ARHGAP26: variants seen among roughly 807,000 people sequenced by gnomAD.
The protein encoded by ARHGAP26 is Rho GTPase activating protein 26, also known as rho GTPase-activating protein 26.
In ARHGAP26, 38 loss-of-function variants were observed where a neutral mutation model predicts 104.8. That is an observed-to-expected ratio of 0.36 (90% CI 0.28 to 0.48). The LOEUF (loss-of-function observed/expected upper bound fraction) is 0.48, where lower values mean the gene tolerates loss of function less well. ARHGAP26 is among the 20% of genes least tolerant of loss of function. ARHGAP26 has a pLI of 0.99. For missense variants in ARHGAP26, 704 were observed against 947.9 expected, an observed-to-expected ratio of 0.74 and a Z score of 3.38; for synonymous variants, 341 against 340.0, an observed-to-expected ratio of 1.00 and a Z score of -0.03.
chr5:143,067,047 C>T (rs996158491), intron 17 of ARHGAP26, among the ~76,000 whole-genome samples: 53 of 151,970 alleles, frequency 3.5e-4, no homozygotes, highest in African/African-American at 8.9e-4. Flanking sequence ...CTCCCCCTCC[C>T]GCTTCTGCTT....
At chr5:143,007,840 G>T (rs915560416) in intron 11 of ARHGAP26, among the ~76,000 whole-genome samples, 1 of 152,136 alleles carries the variant, frequency 6.6e-6, no homozygotes, top group Admixed American at 6.5e-5. Context: ...TTTTAAAAAA[G>T]ATTAAGAACC....
At chr5:142,994,844 G>T (rs1454077131) in intron 11 of ARHGAP26, among the ~76,000 whole-genome samples, 1 of 152,204 alleles carries the variant, frequency 6.6e-6, no homozygotes, top group Admixed American at 6.5e-5. Context: ...TATAGATGGG[G>T]TAATGAGGCA....
intron 17 of ARHGAP26, among the ~76,000 whole-genome samples, chr5:143,114,543 G>A (rs1431972401): frequency 6.6e-6 from 1 of 152,202 alleles, no homozygotes; most frequent in Non-Finnish European, 1.5e-5. Context: ...TGTTCCAGCA[G>A]CTTCATTTCC....
At chr5:143,100,413 C>T (rs1349289980) in intron 17 of ARHGAP26, among the ~76,000 whole-genome samples, 1 of 152,226 alleles carries the variant, frequency 6.6e-6, no homozygotes, top group Non-Finnish European at 1.5e-5. Context: ...CTAGCCTTAT[C>T]CTTGGCACCA....
chr5:142,786,439 G>A (rs1455748473), intron 1 of ARHGAP26, among the ~76,000 whole-genome samples: 1 of 151,972 alleles, frequency 6.6e-6, no homozygotes, highest in Non-Finnish European at 1.5e-5. Context: ...TGGGACTAGA[G>A]GAGCATGCTA....
At chr5:143,119,808 C>T (rs183486546) in intron 17 of ARHGAP26, among the ~76,000 whole-genome samples, 3 of 151,806 alleles carry the variant, frequency 2.0e-5, no homozygotes, top group East Asian at 1.9e-4. Flanking sequence ...TACACATCTG[C>T]TAATAAAATT....
intron 11 of ARHGAP26, among the ~76,000 whole-genome samples, chr5:142,969,130 G>C (rs1182842968): frequency 6.6e-6 from 1 of 152,204 alleles, no homozygotes; most frequent in Non-Finnish European, 1.5e-5. Context: ...TTATAGAGAA[G>C]GGGGCTTGCC....
chr5:142,866,415 G>A (rs1048196055), intron 1 of ARHGAP26, among the ~76,000 whole-genome samples: 2 of 152,132 alleles, frequency 1.3e-5, no homozygotes, highest in Non-Finnish European at 2.9e-5. Context: ...GCAAAATGGA[G>A]GTAATAATAT....
intron 18 of ARHGAP26, 46 bp from the exon 19 acceptor site, chr5:143,133,921 C>T (rs563666103): frequency 4.1e-5 from 63 of 1,548,638 alleles, no homozygotes; most frequent in African/African-American, 1.4e-5. Context: ...TGTTTTCTTC[C>T]CAGTCCACAG....
At chr5:142,962,498 T>A (rs994713026) in intron 11 of ARHGAP26, among the ~76,000 whole-genome samples, 1 of 152,214 alleles carries the variant, frequency 6.6e-6, no homozygotes, top group African/African-American at 2.4e-5. Context: ...TGATAACGGA[T>A]ACAGGGCATC....
At position 142,885,285 on chromosome 5, in the gene ARHGAP26, C is replaced by A; in HGVS notation, c.385-13C>A. ...GTTACTCTTTTTCTTTTTCTCTTCT[C>A]TTTTTTTGCCAGGAAGCCAAAAAGA... is the stretch of plus-strand genomic sequence containing the variant. On this transcript the variant is annotated splice_polypyrimidine_tract_variant and intron_variant, in intron 4 of 22. Transcript: ENST00000645722. The A allele has an allele frequency of 6.2e-7, 1 of 1,609,826 alleles. No homozygotes were observed. Among genetic ancestry groups the A allele is most frequent in the South Asian group, 1.1e-5 (1 of 90,820 alleles).
chr5:143,148,274 G>A (rs1455372048), intron 20 of ARHGAP26, among the ~76,000 whole-genome samples: 6 of 152,192 alleles, frequency 3.9e-5, no homozygotes, highest in Non-Finnish European at 1.5e-5. Flanking sequence ...ATGGCGGTGA[G>A]ATGCTAGGAT....
chr5:142,773,549 A>G (rs1307598454), intron 1 of ARHGAP26, among the ~76,000 whole-genome samples: 1 of 152,214 alleles, frequency 6.6e-6, no homozygotes, highest in Non-Finnish European at 1.5e-5. Context: ...GATCCCGTAA[A>G]GGAGAAACAT....
chr5:143,184,558 A>G (rs143126751), intron 20 of ARHGAP26, among the ~76,000 whole-genome samples: 4 of 152,288 alleles, frequency 2.6e-5, no homozygotes, highest in African/African-American at 9.6e-5. Flanking sequence ...TTGCTGACTG[A>G]TGGACTGGGG....
chr5:142,902,024 C>T lies in ARHGAP26; in HGVS notation c.687C>T (p.Thr229=). 2 of 1,613,564 alleles carry T rather than the reference C, an allele frequency of 1.2e-6. No homozygotes were observed. Among genetic ancestry groups the T allele is most frequent in the Non-Finnish European group, 8.5e-7 (1 of 1,179,564 alleles). Residue 229 remains threonine (T), a synonymous_variant, in exon 7 of 23, where the codon ACC becomes ACT. Coordinates refer to ENST00000645722, the MANE Select transcript of ARHGAP26 (RefSeq NM_001135608.3). ...TCGGGGACTTCAAGACACAGTTAAC[C>T]ATTAGCATACAGAACGTGAGTGGGC... ...KDFGDFKTQL[T]ISIQNTRNRF...
chr5:143,151,160 A>G (rs554212299), intron 20 of ARHGAP26, among the ~76,000 whole-genome samples: 4 of 152,378 alleles, frequency 2.6e-5, no homozygotes, highest in South Asian at 2.1e-4. Context: ...AAGTAAGCAT[A>G]TAAAAATATG....
intron 11 of ARHGAP26, among the ~76,000 whole-genome samples, chr5:142,960,076 A>T (rs1428332749): frequency 6.6e-6 from 1 of 152,274 alleles, no homozygotes; most frequent in African/African-American, 2.4e-5. Flanking sequence ...TCATGGCCTC[A>T]TGGCCATAGC....
chr5:143,064,306 A>G (rs1239164668), intron 17 of ARHGAP26, among the ~76,000 whole-genome samples: 1 of 151,520 alleles, frequency 6.6e-6, no homozygotes, highest in South Asian at 2.1e-4. Flanking sequence ...TTGCCTACCT[A>G]TTGGCTTATG....
intron 17 of ARHGAP26, among the ~76,000 whole-genome samples, chr5:143,093,816 G>A (rs1791850564): frequency 6.6e-6 from 1 of 152,174 alleles, no homozygotes; most frequent in Non-Finnish European, 1.5e-5. Context: ...AGGAAAGGGG[G>A]GTTCTGAATA....
Sources: gnomAD v4.1 joint callset for allele counts (sites outside exome capture counted in the v4.1 genomes callset) on GRCh38, gnomAD v4.1.1 for gene constraint, MANE v1.5 for transcripts, NCBI Gene and HGNC (gene_info 2026-07-23, HGNC 2026-07-21) for gene names.